The following KLF8 variants were observed in gnomAD, a reference collection of about 807,000 sequenced individuals.
KLF8 encodes the protein Krueppel-like factor 8.
Under a neutral mutation model 18.2 loss-of-function variants are expected in KLF8, and 10 were observed. That is an observed-to-expected ratio of 0.55 (90% CI 0.34 to 0.93). The LOEUF (loss-of-function observed/expected upper bound fraction) is 0.93, where lower values mean the gene tolerates loss of function less well. Ranked by LOEUF, KLF8 falls within the 40% of genes least tolerant of loss-of-function variation. KLF8 has a pLI of 0.02. For synonymous variants in KLF8, 109 were observed against 97.3 expected, an observed-to-expected ratio of 1.12 and a Z score of -0.71; for missense variants, 264 against 277.9, an observed-to-expected ratio of 0.95 and a Z score of 0.36.
the KLF8 span, among the ~76,000 whole-genome samples, chrX:55,959,685 A>G: frequency 2.7e-5 from 3 of 112,003 alleles, no homozygotes; most frequent in African/African-American, 9.7e-5. Context: ...AAATCAATGC[A>G]GTCAGAATAA....
intron 1 of KLF8, among the ~76,000 whole-genome samples, chrX:56,244,561 TATAG>T (rs1166716744): frequency 8.9e-6 from 1 of 112,113 alleles, no homozygotes; most frequent in Non-Finnish European, 1.9e-5. Context: ...TGAAGATATC[TATAG>T]ATAGATAAAT....
the KLF8 span, among the ~76,000 whole-genome samples, chrX:56,192,831 G>A: frequency 2.0e-4 from 23 of 112,388 alleles, no homozygotes; most frequent in African/African-American, 6.8e-4. Flanking sequence ...TTAAAGACTT[G>A]AATCAAACAT....
the KLF8 span, among the ~76,000 whole-genome samples, chrX:56,043,275 T>A: frequency 1.8e-5 from 2 of 108,846 alleles, no homozygotes; most frequent in African/African-American, 6.8e-5. Flanking sequence ...CTTGGAGAAT[T>A]GGATGATTAT....
chrX:56,168,460 A>C, the KLF8 span, among the ~76,000 whole-genome samples: 1 of 112,486 alleles, frequency 8.9e-6, no homozygotes, highest in East Asian at 2.8e-4. Flanking sequence ...TAATATTGTT[A>C]AAATGTTTAT....
chrX:56,045,686 T>C, the KLF8 span, among the ~76,000 whole-genome samples: 1 of 111,920 alleles, frequency 8.9e-6, no homozygotes, highest in Non-Finnish European at 1.9e-5. Flanking sequence ...GGGGTTCAGT[T>C]CTTGATTTGA....
the KLF8 span, among the ~76,000 whole-genome samples, chrX:55,937,642 C>T: frequency 9.9e-5 from 11 of 111,494 alleles, no homozygotes; most frequent in South Asian, 7.6e-4. Context: ...ATTAGACAAA[C>T]GACTAACTAG....
the KLF8 span, among the ~76,000 whole-genome samples, chrX:56,108,266 C>T: frequency 9.0e-6 from 1 of 111,498 alleles, no homozygotes; most frequent in East Asian, 2.8e-4. Flanking sequence ...AAGCAGACAT[C>T]CTTTTCTTAT....
the KLF8 span, among the ~76,000 whole-genome samples, chrX:56,143,799 T>C: frequency 7.5e-4 from 84 of 112,149 alleles, no homozygotes; most frequent in Non-Finnish European, 1.5e-3. Context: ...TTAAACAATC[T>C]TGTCAATCTT....
At chrX:56,199,720 T>C in the KLF8 span, among the ~76,000 whole-genome samples, 5 of 111,633 alleles carry the variant, frequency 4.5e-5, no homozygotes, top group Admixed American at 1.9e-4. Flanking sequence ...GCCCAGCAAT[T>C]CCTTTATTTG....
intron 5 of KLF8, among the ~76,000 whole-genome samples, chrX:56,280,688 C>T (rs964056796): frequency 3.6e-5 from 4 of 111,847 alleles, no homozygotes; most frequent in African/African-American, 1.3e-4. Context: ...TTGCTTCGCC[C>T]CTCTTTACCT....
chrX:56,056,651 G>T, the KLF8 span, among the ~76,000 whole-genome samples: 1 of 64,602 alleles, frequency 1.5e-5, no homozygotes, highest in Non-Finnish European at 2.7e-5. Flanking sequence ...GACTGTGGTG[G>T]GGTGGGGGGA....
chrX:56,224,279 G>T, the KLF8 span, among the ~76,000 whole-genome samples: 28 of 111,515 alleles, frequency 2.5e-4, no homozygotes, highest in Admixed American at 2.0e-3. Context: ...AAGCTGATAT[G>T]ACCTAGGTAA....
the KLF8 span, among the ~76,000 whole-genome samples, chrX:55,970,193 C>A: frequency 9.1e-6 from 1 of 110,417 alleles, no homozygotes; most frequent in Admixed American, 9.7e-5. Flanking sequence ...ACTAGCAAAC[C>A]AAATTCAGTA....
chrX:56,126,458 G>T, the KLF8 span, among the ~76,000 whole-genome samples: 3 of 111,687 alleles, frequency 2.7e-5, no homozygotes, highest in Non-Finnish European at 3.8e-5. Flanking sequence ...ACATCAGCTA[G>T]AGTGATTTTG....
the KLF8 span, among the ~76,000 whole-genome samples, chrX:56,180,424 G>A: frequency 2.7e-5 from 3 of 110,664 alleles, no homozygotes; most frequent in Non-Finnish European, 3.8e-5. Context: ...CTCTGGATTC[G>A]TTTATTTTTT....
chrX:56,191,722 A>T, the KLF8 span, among the ~76,000 whole-genome samples: 1 of 111,702 alleles, frequency 9.0e-6, no homozygotes, highest in South Asian at 3.7e-4. Flanking sequence ...TATTGAAATG[A>T]TCATTCTTGA....
chrX:56,008,815 G>C, the KLF8 span, among the ~76,000 whole-genome samples: 1 of 112,214 alleles, frequency 8.9e-6, no homozygotes, highest in East Asian at 2.8e-4. Context: ...CACAGTGGCT[G>C]TGGCAGATCG....
the KLF8 span, chrX:55,908,243 G>A: frequency 2.4e-5 from 6 of 248,342 alleles, 1 homozygote; most frequent in Admixed American, 4.0e-4. Context: ...GGGGCGGGGA[G>A]GCCGCCACTA....
intron 5 of KLF8, among the ~76,000 whole-genome samples, chrX:56,283,876 C>T (rs766484722): frequency 1.8e-5 from 2 of 111,879 alleles, no homozygotes; most frequent in South Asian, 7.5e-4. Flanking sequence ...TATATAAGAT[C>T]ACACAGCTAG....
Sources: allele counts gnomAD v4.1 joint callset (sites outside exome capture counted in the v4.1 genomes callset), GRCh38; gene constraint gnomAD v4.1.1; transcripts MANE v1.5; gene names NCBI Gene and HGNC (gene_info 2026-07-23, HGNC 2026-07-21).